The following CHD9NB variants were observed in gnomAD, a reference collection of about 807,000 sequenced individuals.
CHD9NB encodes the protein CHD9 neighbor.
At chr16:53,044,416 G>T in the CHD9NB span, among the ~76,000 whole-genome samples, 1 of 152,210 alleles carries the variant, frequency 6.6e-6, no homozygotes, top group African/African-American at 2.4e-5. Context: ...TCCACCAGAA[G>T]AATTCCCTTT....
chr16:53,041,071 G>A, the CHD9NB span, among the ~76,000 whole-genome samples: 1 of 152,160 alleles, frequency 6.6e-6, no homozygotes, highest in South Asian at 2.1e-4. Context: ...TGGGTGGGTG[G>A]ATGGATGCAT....
chr16:53,038,863 AG>A, the CHD9NB span, among the ~76,000 whole-genome samples: 1 of 152,352 alleles, frequency 6.6e-6, no homozygotes, highest in African/African-American at 2.4e-5. Flanking sequence ...GGATTAAATG[AG>A]TTCTATATGT....
chr16:53,043,126 A>T, the CHD9NB span: 1 of 152,234 alleles, frequency 6.6e-6, no homozygotes, highest in Admixed American at 6.5e-5. Context: ...TTGATTTCAA[A>T]TGAAAACGCT....
At chr16:53,040,475 G>A in the CHD9NB span, among the ~76,000 whole-genome samples, 1 of 152,148 alleles carries the variant, frequency 6.6e-6, no homozygotes, top group Non-Finnish European at 1.5e-5. Context: ...TGCAGTTCTT[G>A]TATCCAACTC....
At chr16:53,049,149 G>A in the CHD9NB span, among the ~76,000 whole-genome samples, 2 of 152,046 alleles carry the variant, frequency 1.3e-5, no homozygotes, top group East Asian at 3.9e-4. Flanking sequence ...ATGAGCCACT[G>A]GGCCCGGCCA....
chr16:53,043,585 G>C, the CHD9NB span: 2 of 156,800 alleles, frequency 1.3e-5, no homozygotes, highest in Non-Finnish European at 2.8e-5. Flanking sequence ...AGAGCAAACT[G>C]AGATCCACAC....
chr16:53,045,201 G>T, the CHD9NB span, among the ~76,000 whole-genome samples: 2 of 152,140 alleles, frequency 1.3e-5, no homozygotes, highest in African/African-American at 2.4e-5. Flanking sequence ...GGGTTCAAGC[G>T]ATCTGCCTGT....
chr16:53,051,768 A>ATATAT, the CHD9NB span, among the ~76,000 whole-genome samples: 77 of 104,606 alleles, frequency 7.4e-4, 6 homozygotes, highest in African/African-American at 3.8e-3. Flanking sequence ...TAAAAGTATA[A>ATATAT]ATATATATAT....
At chr16:53,043,918 C>A in the CHD9NB span, 1 of 398,244 alleles carries the variant, frequency 2.5e-6, no homozygotes, top group South Asian at 1.3e-4. Flanking sequence ...CGGAGCTTCT[C>A]AGGGTGGGGA....
At chr16:53,047,436 T>A in the CHD9NB span, among the ~76,000 whole-genome samples, 4 of 152,174 alleles carry the variant, frequency 2.6e-5, no homozygotes, top group African/African-American at 9.7e-5. Flanking sequence ...AGGCTAGAAG[T>A]TCATGAGCAA....
chr16:53,040,462 C>G, the CHD9NB span, among the ~76,000 whole-genome samples: 1 of 152,246 alleles, frequency 6.6e-6, no homozygotes, highest in Middle Eastern at 3.4e-3. Flanking sequence ...ACATTGTGCC[C>G]CATGCAGTTC....
At chr16:53,044,233 G>C in the CHD9NB span, 1 of 398,204 alleles carries the variant, frequency 2.5e-6, no homozygotes. Flanking sequence ...CTCCTTGGGG[G>C]CCAGCGTTAA....
the CHD9NB span, among the ~76,000 whole-genome samples, chr16:53,042,550 C>T: frequency 6.6e-6 from 1 of 150,406 alleles, no homozygotes; most frequent in Non-Finnish European, 1.5e-5. Context: ...CCCTTCCCTC[C>T]CTCCCTTCTC....
At chr16:53,048,935 T>G in the CHD9NB span, among the ~76,000 whole-genome samples, 2 of 152,162 alleles carry the variant, frequency 1.3e-5, no homozygotes, top group Admixed American at 1.3e-4. Flanking sequence ...TAAGTCAGGC[T>G]CCAAACACAC....
At chr16:53,039,710 A>G in the CHD9NB span, among the ~76,000 whole-genome samples, 1 of 149,832 alleles carries the variant, frequency 6.7e-6, no homozygotes, top group East Asian at 2.0e-4. Flanking sequence ...GTGCTACTGC[A>G]CTCCAGCCTG....
At chr16:53,039,314 C>G in the CHD9NB span, among the ~76,000 whole-genome samples, 1 of 152,136 alleles carries the variant, frequency 6.6e-6, no homozygotes, top group Non-Finnish European at 1.5e-5. Flanking sequence ...CTCCTTCTCT[C>G]CACTCTGCTC....
the CHD9NB span, among the ~76,000 whole-genome samples, chr16:53,051,088 C>T: frequency 5.3e-5 from 8 of 152,116 alleles, no homozygotes; most frequent in African/African-American, 1.9e-4. Context: ...AGGGTTTCAC[C>T]GTGTTAGCCA....
chr16:53,048,198 G>A, the CHD9NB span, among the ~76,000 whole-genome samples: 1 of 152,164 alleles, frequency 6.6e-6, no homozygotes, highest in Non-Finnish European at 1.5e-5. Context: ...GAACCCAGGG[G>A]TTCGAGACCA....
At chr16:53,052,282 C>G in the CHD9NB span, among the ~76,000 whole-genome samples, 1 of 151,592 alleles carries the variant, frequency 6.6e-6, no homozygotes, top group African/African-American at 2.4e-5. Context: ...TGGCACATGC[C>G]TGCAGTCCCA....
Sources: allele counts gnomAD v4.1 joint callset (sites outside exome capture counted in the v4.1 genomes callset), GRCh38; gene constraint gnomAD v4.1.1; transcripts MANE v1.5; gene names NCBI Gene and HGNC (gene_info 2026-07-23, HGNC 2026-07-21).